HERC3: variants seen among roughly 807,000 people sequenced by gnomAD.
HERC3 encodes the protein probable E3 ubiquitin-protein ligase HERC3.
A neutral mutation model predicts 129.9 loss-of-function variants in HERC3; 58 were observed. The ratio of observed to expected loss-of-function variants is 0.45; its 90% CI spans 0.36 to 0.56. The LOEUF (loss-of-function observed/expected upper bound fraction) is 0.56. HERC3 is among the 20% of genes least tolerant of loss of function. The probability of loss-of-function intolerance (pLI) is 0.00; values close to 1 mark genes in which losing one functional copy is unlikely to be tolerated. For synonymous variants in HERC3, 430 were observed against 451.0 expected (o/e 0.95, Z 0.59); for missense variants, 835 against 1,244.2 (o/e 0.67, Z 4.95).
intron 2 of HERC3, among the ~76,000 whole-genome samples, chr4:88,599,618 A>T (rs566396103): frequency 1.3e-5 from 2 of 152,362 alleles, no homozygotes; most frequent in South Asian, 4.1e-4. Flanking sequence ...CTACAAAAAA[A>T]GCTGATAGAC....
rs1733513554 is a variant in HERC3 at position 88,686,742 on chromosome 4, C to T, written c.2514C>T (p.Leu838=). 6.2e-7 allele frequency: 1 copy of T among 1,609,202 alleles called. No homozygotes were observed. Among genetic ancestry groups the T allele is most frequent in the Non-Finnish European group, 8.5e-7 (1 of 1,175,778 alleles). Reference sequence around the variant, plus strand: ...TCTGTCATTCTATGATTAGGAGTCTCCAAGAGCTTTTAGATTACCCCGGGG... The same window carrying T: ...TCTGTCATTCTATGATTAGGAGTCTTCAAGAGCTTTTAGATTACCCCGGGG... ...KELSPTEGRS[L]QELLDYPGED... Residue 838 remains leucine, a synonymous_variant, in exon 22 of 26, where the codon CTC becomes CTT. Transcript: ENST00000402738.
At chr4:88,581,449 G>C in the HERC3 span, among the ~76,000 whole-genome samples, 1 of 148,066 alleles carries the variant, frequency 6.8e-6, no homozygotes, top group East Asian at 2.0e-4. Context: ...AGGTGCCCGC[G>C]ACCATGCCTG....
intron 6 of HERC3, 27 bp from the exon 7 acceptor site, chr4:88,654,015 G>C (rs775337599): frequency 2.7e-6 from 4 of 1,499,646 alleles, no homozygotes; most frequent in African/African-American, 1.4e-5. Flanking sequence ...AAATGGTAGT[G>C]ATATTCTGAT....
At chr4:88,589,969 AT>A (rs1265500352), upstream of HERC3, among the ~76,000 whole-genome samples, 3 of 152,170 alleles carry the variant, frequency 2.0e-5, no homozygotes, top group Non-Finnish European at 4.4e-5. Flanking sequence ...GAAATTTCAT[AT>A]GAAAAACACT....
At chr4:88,540,959 G>C in the HERC3 span, among the ~76,000 whole-genome samples, 3 of 152,000 alleles carry the variant, frequency 2.0e-5, no homozygotes, top group Non-Finnish European at 4.4e-5. Flanking sequence ...ATATCGAAAG[G>C]AACAACCAGT....
At chr4:88,657,274 CTT>C (rs1730010764) in intron 9 of HERC3, 1 of 152,182 alleles carries the variant, frequency 6.6e-6, no homozygotes, top group Non-Finnish European at 1.5e-5. Context: ...CAGACAAACT[CTT>C]TTCCTTTTTG....
intron 3 of HERC3, among the ~76,000 whole-genome samples, chr4:88,613,523 A>T (rs1472856091): frequency 1.3e-5 from 2 of 152,248 alleles, no homozygotes; most frequent in Non-Finnish European, 2.9e-5. Context: ...CCATGGTAGA[A>T]GTAATGCTTT....
At chr4:88,695,490 A>AT (rs1016684388) in intron 23 of HERC3, among the ~76,000 whole-genome samples, 5 of 152,204 alleles carry the variant, frequency 3.3e-5, no homozygotes, top group African/African-American at 1.2e-4. Flanking sequence ...CTGATATTAT[A>AT]TTGAGGAAAC....
chr4:88,594,528 A>G (rs927312607), intron 1 of HERC3, among the ~76,000 whole-genome samples: 2 of 152,214 alleles, frequency 1.3e-5, no homozygotes, highest in Non-Finnish European at 2.9e-5. Context: ...CTTACCCTCC[A>G]AAGTAGCTGG....
chr4:88,556,128 A>G, the HERC3 span, among the ~76,000 whole-genome samples: 2 of 152,346 alleles, frequency 1.3e-5, no homozygotes, highest in South Asian at 4.1e-4. Context: ...GATACATAAA[A>G]TCATCCTAGC....
chr4:88,648,893 T>A (rs1299680781), intron 3 of HERC3, among the ~76,000 whole-genome samples: 3 of 152,008 alleles, frequency 2.0e-5, no homozygotes, highest in Non-Finnish European at 4.4e-5. Context: ...TCAATCCTGC[T>A]TTTGAAGGTT....
intron 3 of HERC3, among the ~76,000 whole-genome samples, chr4:88,638,600 A>C (rs2149253005): frequency 6.6e-6 from 1 of 152,336 alleles, no homozygotes; most frequent in East Asian, 1.9e-4. Context: ...TCAAAATAAT[A>C]GGAGTTATTT....
chr4:88,580,781 C>T, the HERC3 span, among the ~76,000 whole-genome samples: 7,681 of 152,174 alleles, frequency 0.05, 257 homozygotes, highest in Middle Eastern at 0.13. Context: ...AAATATTAAG[C>T]CTTATTGCAT....
At chr4:88,524,210 CTTTT>C in the HERC3 span, among the ~76,000 whole-genome samples, 1 of 152,116 alleles carries the variant, frequency 6.6e-6, no homozygotes, top group Non-Finnish European at 1.5e-5. Context: ...CCTTGTTTGG[CTTTT>C]TTCTCTCTCA....
intron 11 of HERC3, among the ~76,000 whole-genome samples, chr4:88,662,798 G>A (rs773780069): frequency 6.6e-6 from 1 of 152,024 alleles, no homozygotes; most frequent in African/African-American, 2.4e-5. Context: ...TTTATTGTAT[G>A]ATCTTAAAAA....
At chr4:88,689,022 A>G (rs1364439119) in intron 23 of HERC3, among the ~76,000 whole-genome samples, 2 of 152,164 alleles carry the variant, frequency 1.3e-5, no homozygotes, top group African/African-American at 4.8e-5. Flanking sequence ...CATTTAAGCT[A>G]TGAAAAAAGA....
intron 10 of HERC3, among the ~76,000 whole-genome samples, chr4:88,658,783 A>G (rs185436681): frequency 3.9e-5 from 6 of 152,294 alleles, no homozygotes; most frequent in Admixed American, 3.9e-4. Context: ...GTTGGTGCTT[A>G]CTTTGGCATT....
chr4:88,636,313 A>G (rs1176506953), intron 3 of HERC3, among the ~76,000 whole-genome samples: 1 of 152,212 alleles, frequency 6.6e-6, no homozygotes, highest in African/African-American at 2.4e-5. Context: ...TGTATCCAGC[A>G]AATGGAAAGT....
chr4:88,651,203 C>T (rs914245705), intron 4 of HERC3, among the ~76,000 whole-genome samples: 8 of 152,068 alleles, frequency 5.3e-5, no homozygotes, highest in Admixed American at 2.6e-4. Context: ...AGGTTTTTAA[C>T]GGCATTTCAT....
Sources: allele counts gnomAD v4.1 joint callset (sites outside exome capture counted in the v4.1 genomes callset), GRCh38; gene constraint gnomAD v4.1.1; transcripts MANE v1.5; gene names NCBI Gene and HGNC (gene_info 2026-07-23, HGNC 2026-07-21).